The following ST8SIA6 variants were observed in gnomAD, a reference collection of about 807,000 sequenced individuals.
The protein encoded by ST8SIA6 is ST8 alpha-N-acetyl-neuraminide alpha-2,8-sialyltransferase 6.
ST8SIA6 carries 39 observed loss-of-function variants against 33.6 expected under a neutral mutation model. That is an observed-to-expected ratio of 1.16 (90% CI 0.90 to 1.52). The LOEUF (loss-of-function observed/expected upper bound fraction) is 1.52. Ranked by LOEUF, ST8SIA6 falls within the 40% of genes most tolerant of loss-of-function variation. The probability of loss-of-function intolerance (pLI) is 0.00; values close to 1 mark genes in which losing one functional copy is unlikely to be tolerated. For missense variants in ST8SIA6, 441 were observed against 443.8 expected (o/e 0.99, Z 0.06); for synonymous variants, 172 against 167.2 (o/e 1.03, Z -0.22).
intron 2 of ST8SIA6, among the ~76,000 whole-genome samples, chr10:17,426,390 G>T (rs571669162): frequency 6.6e-6 from 1 of 152,316 alleles, no homozygotes; most frequent in East Asian, 1.9e-4. Flanking sequence ...TATCTAGCAA[G>T]TTTTTACATG....
intron 2 of ST8SIA6, among the ~76,000 whole-genome samples, chr10:17,403,229 A>G (rs1851118000): frequency 6.6e-6 from 1 of 152,246 alleles, no homozygotes; most frequent in African/African-American, 2.4e-5. Context: ...AAAAGGACAG[A>G]TTTGATATGG....
intron 5 of ST8SIA6, among the ~76,000 whole-genome samples, chr10:17,330,104 G>C (rs1369104266): frequency 6.6e-6 from 1 of 152,136 alleles, no homozygotes; most frequent in African/African-American, 2.4e-5. Flanking sequence ...CTCTGCAATT[G>C]CTGCTGTATT....
intron 3 of ST8SIA6, among the ~76,000 whole-genome samples, chr10:17,364,645 G>T (rs1384728350): frequency 1.3e-5 from 2 of 152,096 alleles, no homozygotes; most frequent in Non-Finnish European, 2.9e-5. Context: ...AATTAAGATT[G>T]CCACAGGATC....
At chr10:17,423,290 A>G (rs1001957639) in intron 2 of ST8SIA6, among the ~76,000 whole-genome samples, 13 of 152,144 alleles carry the variant, frequency 8.5e-5, no homozygotes, top group African/African-American at 2.9e-4. Context: ...CTAATAATTA[A>G]TTTCCTTGGG....
At chr10:17,406,489 C>G (rs1325279079) in intron 2 of ST8SIA6, among the ~76,000 whole-genome samples, 3 of 152,224 alleles carry the variant, frequency 2.0e-5, no homozygotes, top group Admixed American at 6.5e-5. Flanking sequence ...AGTTACTTTT[C>G]TCCCACGGGA....
intron 5 of ST8SIA6, among the ~76,000 whole-genome samples, chr10:17,329,756 G>C (rs891764666): frequency 6.6e-6 from 1 of 152,156 alleles, no homozygotes; most frequent in Admixed American, 6.5e-5. Flanking sequence ...CTCATGTTCA[G>C]TATGAATTTA....
At chr10:17,384,640 AT>A (rs797008988) in intron 3 of ST8SIA6, among the ~76,000 whole-genome samples, 15 of 151,362 alleles carry the variant, frequency 9.9e-5, no homozygotes, top group African/African-American at 3.6e-4. Context: ...TGATGTTTTC[AT>A]TTTTTTTTCC....
At chr10:17,344,524 A>T (rs1486995496) in intron 4 of ST8SIA6, among the ~76,000 whole-genome samples, 9 of 152,206 alleles carry the variant, frequency 5.9e-5, no homozygotes, top group Admixed American at 5.9e-4. Context: ...AAACCACTCC[A>T]GTGATTCAAT....
At chr10:17,448,595 A>ATTG (rs199508692) in intron 2 of ST8SIA6, among the ~76,000 whole-genome samples, 7,998 of 129,762 alleles carry the variant, frequency 0.062, 270 homozygotes, top group Non-Finnish European at 0.082. Context: ...CAGGGTTTTT[A>ATTG]TTGTTGTTGT....
intron 2 of ST8SIA6, among the ~76,000 whole-genome samples, chr10:17,393,794 A>G (rs544596367): frequency 5.9e-5 from 9 of 152,322 alleles, no homozygotes; most frequent in Admixed American, 3.9e-4. Context: ...TAATTCTCCA[A>G]TATTTCTCAG....
intron 4 of ST8SIA6, among the ~76,000 whole-genome samples, chr10:17,354,633 C>T (rs1453459294): frequency 3.3e-5 from 5 of 152,080 alleles, no homozygotes; most frequent in Admixed American, 2.0e-4. Flanking sequence ...TTAGAATCTG[C>T]GGTAAATTTC....
At chr10:17,426,338 TAAAAC>T (rs1851937479) in intron 2 of ST8SIA6, among the ~76,000 whole-genome samples, 1 of 152,166 alleles carries the variant, frequency 6.6e-6, no homozygotes, top group Non-Finnish European at 1.5e-5. Flanking sequence ...AGGAGGCAAT[TAAAAC>T]AGATACATAA....
At chr10:17,406,037 G>C (rs1002376890) in intron 2 of ST8SIA6, among the ~76,000 whole-genome samples, 1 of 152,142 alleles carries the variant, frequency 6.6e-6, no homozygotes, top group Non-Finnish European at 1.5e-5. Context: ...CATTGGAGTG[G>C]AGACCCTGCT....
chr10:17,318,268 T>C lies in ST8SIA6; in HGVS notation c.*2610A>G, dbSNP rs967710679. 4.6e-5 allele frequency: 8 copies of C among 174,096 alleles called. No homozygotes were observed. Among genetic ancestry groups the C allele is most frequent in the Admixed American group, 3.4e-4 (6 of 17,768 alleles). The allele number at this position is 174,096 out of a possible 1,614,324, so 10.8% of individuals were successfully genotyped here. ...TCTCACTCTGTCACACAGGCTAGAA[T>C]GCAGTGGTAAGATCACAGCTCACTG... On this transcript the variant is annotated 3_prime_UTR_variant, in exon 8 of 8. Transcript: ENST00000377602.
rs186757384 is a variant in ST8SIA6, at chr10:17,319,227, G to A, written c.*1651C>T. Among the ~76,000 whole-genome samples, 7 of 152,204 alleles carry A rather than the reference G, an allele frequency of 4.6e-5. No homozygotes were observed. The East Asian group carries it at 5.8e-4, about 13-fold the overall frequency. On this transcript the variant is annotated 3_prime_UTR_variant, in exon 8 of 8. Transcript: ENST00000377602. ...TAAAACATGCGTCACAGTTCTTGTC[G>A]CTCTGTAATGGTGAGTTACTGCAAG...
chr10:17,421,445 T>C lies in ST8SIA6; in HGVS notation c.201-30825A>G, dbSNP rs149082924. ...AGAAATTGTATAGTATGTAGTTTAA[T>C]TGACCTGTGCTTCTAACAGGCATGC... On this transcript the variant is annotated intron_variant, in intron 2 of 7. Transcript: ENST00000377602. 2.0e-4 allele frequency among the ~76,000 whole-genome samples: 31 copies of C among 152,352 alleles called. No individual in the cohort carries two copies. The East Asian group carries it at 5.8e-3, about 28-fold the overall frequency.
chr10:17,404,391 A>G (rs1281207673), intron 2 of ST8SIA6, among the ~76,000 whole-genome samples: 5 of 152,148 alleles, frequency 3.3e-5, no homozygotes, highest in African/African-American at 9.7e-5. Context: ...CCACAGCACC[A>G]GCAGCCCCTC....
At chr10:17,354,856 CA>C (rs1023133707) in intron 4 of ST8SIA6, among the ~76,000 whole-genome samples, 1 of 152,156 alleles carries the variant, frequency 6.6e-6, no homozygotes, top group African/African-American at 2.4e-5. Context: ...TACAAAATCT[CA>C]CAATTTTGAG....
At chr10:17,346,907 T>C (rs1050316156) in intron 4 of ST8SIA6, among the ~76,000 whole-genome samples, 1 of 152,206 alleles carries the variant, frequency 6.6e-6, no homozygotes, top group Non-Finnish European at 1.5e-5. Flanking sequence ...ACTTAAGAAT[T>C]GGTCCACACA....
Sources: allele counts gnomAD v4.1 joint callset (sites outside exome capture counted in the v4.1 genomes callset), GRCh38; gene constraint gnomAD v4.1.1; transcripts MANE v1.5; gene names NCBI Gene and HGNC (gene_info 2026-07-23, HGNC 2026-07-21).